Variants in DIS3L2 observed in about 807,000 individuals in gnomAD.
DIS3L2 encodes the protein DIS3 like 3'-5' exoribonuclease 2.
DIS3L2 carries 34 observed loss-of-function variants against 97.5 expected under a neutral mutation model. The ratio of observed to expected loss-of-function variants is 0.35; its 90% CI spans 0.27 to 0.46. The LOEUF (loss-of-function observed/expected upper bound fraction) is 0.46. DIS3L2 is among the 20% of genes least tolerant of loss of function. The pLI is 1.00. For synonymous variants in DIS3L2, 435 were observed against 445.2 expected, an observed-to-expected ratio of 0.98 and a Z score of 0.29; for missense variants, 1,038 against 1,146.0, an observed-to-expected ratio of 0.91 and a Z score of 1.36.
intron 13 of DIS3L2, among the ~76,000 whole-genome samples, chr2:232,273,345 G>A (rs1292882524): frequency 2.6e-5 from 4 of 152,088 alleles, no homozygotes; most frequent in Non-Finnish European, 5.9e-5. Flanking sequence ...CCTGCCCAGT[G>A]CTCATTTTTA....
intron 1 of DIS3L2, among the ~76,000 whole-genome samples, chr2:231,974,269 A>G (rs963036699): frequency 6.6e-6 from 1 of 152,172 alleles, no homozygotes; most frequent in Non-Finnish European, 1.5e-5. Context: ...CTGGAGCAGA[A>G]GGACACCTCC....
At chr2:232,066,238 A>G (rs144277076) in intron 5 of DIS3L2, among the ~76,000 whole-genome samples, 6 of 152,040 alleles carry the variant, frequency 3.9e-5, no homozygotes, top group South Asian at 4.2e-4. Flanking sequence ...AAAGCCCTCT[A>G]TCTTTCTCAT....
At chr2:232,086,410 T>C (rs11692969) in intron 5 of DIS3L2, among the ~76,000 whole-genome samples, 2,032 of 147,378 alleles carry the variant, frequency 0.014, 24 homozygotes, top group Non-Finnish European at 0.02. Flanking sequence ...TATATATACA[T>C]ATACATGCAG....
intron 9 of DIS3L2, chr2:232,172,727 A>G: frequency 1.9e-6 from 1 of 520,296 alleles, no homozygotes; most frequent in South Asian, 1.4e-5. Context: ...TAGCTGTACC[A>G]TTTGCACTCC....
In DIS3L2 at chr2:231,980,681, G is replaced by A. The variant is rs182611328; in HGVS notation, c.-94+18916G>A. Among the ~76,000 whole-genome samples, 338 of 152,104 alleles carry A rather than the reference G, an allele frequency of 2.2e-3. 1 individual carries two copies. The highest frequency in any genetic ancestry group is 1.4e-3 in the Non-Finnish European group (95 of 67,988). On this transcript the variant is annotated intron_variant, in intron 1 of 20. Transcript: ENST00000325385. ...CCATTGCACTCCAACCTGGGTGACA[G>A]AGCAAGACTCCGTCTCGAGAGAGAG... is the stretch of plus-strand genomic sequence containing the variant.
rs547957462 is a variant in DIS3L2 at position 232,265,384 on chromosome 2, C to T, written c.1659+1944C>T. Among the ~76,000 whole-genome samples, 6 of 152,288 alleles carry T rather than the reference C, an allele frequency of 3.9e-5. No individual in the cohort carries two copies. In the South Asian group the frequency reaches 6.2e-4, roughly 16 times the overall value. On this transcript the variant is annotated intron_variant, in intron 13 of 20. Transcript: ENST00000325385. ...AACTACTAACTGGATGCTAACGAGCCAAAATCTGTCTCTCTATCCCTGGCC... is the reference window on the plus strand; with the variant it reads ...AACTACTAACTGGATGCTAACGAGCTAAAATCTGTCTCTCTATCCCTGGCC...
At chr2:232,330,852 G>C in intron 16 of DIS3L2, 76 bp downstream of exon 16, 1 of 1,407,280 alleles carries the variant, frequency 7.1e-7, no homozygotes, top group Admixed American at 1.7e-5. Flanking sequence ...CCACGTGCAA[G>C]CACAGGCCCC....
intron 5 of DIS3L2, among the ~76,000 whole-genome samples, chr2:232,050,527 C>T (rs928700694): frequency 2.6e-5 from 4 of 152,028 alleles, no homozygotes; most frequent in South Asian, 2.1e-4. Flanking sequence ...CCACCCACCT[C>T]GGCCTCCCAA....
At position 232,292,412 on chromosome 2, in the gene DIS3L2, T is replaced by C. The variant is rs1425300968; in HGVS notation, c.1660-7628T>C. ...GGTCGCCTTGCTGTCTCCATTGTCA[T>C]CCTACCCAGAAAGCTCAGACGGGCG... On this transcript the variant is annotated intron_variant, in intron 13 of 20. Coordinates refer to ENST00000325385, the MANE Select transcript of DIS3L2 (RefSeq NM_152383.5). This position sits in a 1 kb window ranked among gnomAD's most constrained non-coding sequence, Gnocchi z 4.4. Among the ~76,000 whole-genome samples, 1 of 152,138 alleles carries C rather than the reference T, an allele frequency of 6.6e-6. No homozygotes were observed. The highest frequency in any genetic ancestry group is 1.5e-5 in the Non-Finnish European group (1 of 68,018).
At chr2:232,202,241 T>C (rs935682401) in intron 9 of DIS3L2, among the ~76,000 whole-genome samples, 1 of 152,114 alleles carries the variant, frequency 6.6e-6, no homozygotes, top group African/African-American at 2.4e-5. Flanking sequence ...CTACTAAAAA[T>C]GCAAAAATTA....
At chr2:232,255,378 A>G (rs1693532788) in intron 12 of DIS3L2, among the ~76,000 whole-genome samples, 2 of 152,206 alleles carry the variant, frequency 1.3e-5, no homozygotes, top group Admixed American at 1.3e-4. Context: ...CCTGGAGTTG[A>G]AGTGGAGAAA....
At chr2:231,962,407 C>T (rs1470429357) in intron 1 of DIS3L2, among the ~76,000 whole-genome samples, 1 of 151,026 alleles carries the variant, frequency 6.6e-6, no homozygotes. Flanking sequence ...CTCTCCCCTC[C>T]TTCCAGTAGT....
At chr2:232,038,059 A>G (rs1172883601) in intron 5 of DIS3L2, among the ~76,000 whole-genome samples, 1 of 152,220 alleles carries the variant, frequency 6.6e-6, no homozygotes, top group Non-Finnish European at 1.5e-5. Flanking sequence ...TCCCAGCTTC[A>G]TCCCCAGTTG....
Position 232,090,085 on chromosome 2 carries a change from C to T in DIS3L2, c.601+2364C>T, listed in dbSNP as rs576171512. 2.3e-4 allele frequency among the ~76,000 whole-genome samples: 35 copies of T among 152,194 alleles called. No individual in the cohort carries two copies. In the South Asian group the frequency reaches 7.1e-3, roughly 31 times the overall value. The stretch of plus-strand genomic sequence containing the variant: ...GCTGGGACTAAAGTGTGCACCACCA[C>T]ACCCAGATAATTTTTGTTGTTGTTG... On this transcript the variant is annotated intron_variant, in intron 6 of 20. Coordinates refer to ENST00000325385, the MANE Select transcript of DIS3L2 (RefSeq NM_152383.5).
chr2:232,012,709 A>T (rs912369610), intron 1 of DIS3L2, among the ~76,000 whole-genome samples: 1 of 151,696 alleles, frequency 6.6e-6, no homozygotes, highest in African/African-American at 2.4e-5. Flanking sequence ...ACTTCTTTAC[A>T]TTTCCTAAAA....
At chr2:232,083,277 ACCCCCCCC>A (rs60496520) in intron 5 of DIS3L2, among the ~76,000 whole-genome samples, 5 of 136,772 alleles carry the variant, frequency 3.7e-5, no homozygotes, top group East Asian at 2.5e-4. Context: ...TACAATTTAT[ACCCCCCCC>A]CCCCCCCCCC....
chr2:232,252,874 A>G (rs1693455427), intron 12 of DIS3L2, among the ~76,000 whole-genome samples: 2 of 152,156 alleles, frequency 1.3e-5, no homozygotes, highest in African/African-American at 4.8e-5. Flanking sequence ...CAATCCCAGC[A>G]CTTTGGGAGG....
chr2:232,076,943 A>G (rs1249899562), intron 5 of DIS3L2, among the ~76,000 whole-genome samples: 1 of 152,180 alleles, frequency 6.6e-6, no homozygotes, highest in Admixed American at 6.5e-5. Flanking sequence ...GCATTTTGCC[A>G]TTCCTCTGCC....
intron 12 of DIS3L2, among the ~76,000 whole-genome samples, chr2:232,261,970 A>G (rs1334529215): frequency 6.6e-6 from 1 of 152,158 alleles, no homozygotes; most frequent in Non-Finnish European, 1.5e-5. Flanking sequence ...CCATATGGAG[A>G]GTGTGAACAA....
Sources: allele counts gnomAD v4.1 joint callset (sites outside exome capture counted in the v4.1 genomes callset), GRCh38; gene constraint gnomAD v4.1.1; non-coding constraint Gnocchi (gnomAD v3.1); transcripts MANE v1.5; gene names NCBI Gene and HGNC (gene_info 2026-07-23, HGNC 2026-07-21).